CNTNAP3B: variants seen among roughly 807,000 people sequenced by gnomAD.
CNTNAP3B encodes the protein contactin-associated protein-like 3B.
A neutral mutation model predicts 108.9 loss-of-function variants in CNTNAP3B; 25 were observed. The observed-to-expected ratio is 0.23, with a 90% CI of 0.17 to 0.32. CNTNAP3B has a LOEUF of 0.32. CNTNAP3B is among the 10% of genes least tolerant of loss of function. The pLI, the probability that CNTNAP3B is intolerant of heterozygous loss-of-function variation, is 1.00. For missense variants in CNTNAP3B, 252 were observed against 1,210.4 expected (o/e 0.21, Z 11.75); for synonymous variants, 103 against 473.4 (o/e 0.22, Z 10.16).
chr9:41,997,079 AT>A (rs754007008), intron 6 of CNTNAP3B, among the ~76,000 whole-genome samples: 29 of 135,136 alleles, frequency 2.1e-4, no homozygotes, highest in East Asian at 1.9e-3. Context: ...GACTTAAAAA[AT>A]ATCAGGATAT....
intron 3 of CNTNAP3B, among the ~76,000 whole-genome samples, chr9:42,019,758 C>A (rs1826275575): frequency 1.8e-5 from 2 of 111,848 alleles, no homozygotes; most frequent in African/African-American, 3.6e-5. Flanking sequence ...GAGACTCTAT[C>A]TCAAAAAAAA....
At chr9:42,015,254 C>T (rs1826200369) in intron 3 of CNTNAP3B, among the ~76,000 whole-genome samples, 1 of 9,478 alleles carries the variant, frequency 1.1e-4, no homozygotes, top group African/African-American at 3.2e-4. Context: ...GGTTTCGAAC[C>T]CCCAGCCTCA....
Position 41,996,312 on chromosome 9 carries a change from G to A in CNTNAP3B, c.964C>T (p.Arg322Trp), listed in dbSNP as rs527439144. 228 of 1,541,770 alleles carry A rather than the reference G, an allele frequency of 1.5e-4. 40 individuals are homozygous for A. The highest frequency in any genetic ancestry group is 8.6e-4 in the South Asian group (74 of 86,538). Residue 322 changes from arginine (R) to tryptophan (W), a missense_variant, in exon 7 of 24, where the codon CGG becomes TGG. Transcript: ENST00000377561. ...TGAAAGCTTTTACGTGTGAATGCCC[G>A]TGATCTTCCGGGTGACAGAATTCCC... Reference protein sequence around the residue: ...FGGILSPGRSRAFTRKSFHGC... With the variant: ...FGGILSPGRSWAFTRKSFHGC...
In CNTNAP3B at chr9:42,105,963, T is replaced by A. The variant is rs1828086122; in HGVS notation, c.86-1224A>T. Among the ~76,000 whole-genome samples the A allele has an allele frequency of 9.4e-5, 3 of 31,778 alleles. No individual in the cohort carries two copies. The South Asian group carries it at 3.7e-3, about 39-fold the overall frequency. The allele number at this position is 31,778 out of a possible 152,430, so 20.8% of individuals were successfully genotyped here. On this transcript the variant is annotated intron_variant, in intron 1 of 23. Coordinates refer to ENST00000377561, the MANE Select transcript of CNTNAP3B (RefSeq NM_001201380.3). The stretch of plus-strand genomic sequence containing the variant: ...AGTCACAGAAAGAAGGCAACCAGAA[T>A]TAATTAGATTGCTACGACTTAGCAA...
At chr9:41,917,096 C>G (rs1181234779) in intron 18 of CNTNAP3B, among the ~76,000 whole-genome samples, 9 of 152,412 alleles carry the variant, frequency 5.9e-5, no homozygotes, top group African/African-American at 2.2e-4. Flanking sequence ...GGGATGTTTT[C>G]AACCATTATT....
In CNTNAP3B at chr9:42,120,580, A is replaced by C. The variant is rs1220449163; in HGVS notation, c.85+8430T>G. Among the ~76,000 whole-genome samples, 71 of 138,462 alleles carry C rather than the reference A, an allele frequency of 5.1e-4. 13 individuals carry two copies. Among genetic ancestry groups the C allele is most frequent in the Admixed American group, 4.4e-3 (61 of 13,920 alleles). The allele number at this position is 138,462 out of a possible 152,430, so 90.8% of individuals were successfully genotyped here. The stretch of plus-strand genomic sequence containing the variant: ...AAGACTTGGAACCAACCCAAATGTC[A>C]ATCAATGATAGACTGGATTAAGAAA... On this transcript the variant is annotated intron_variant, in intron 1 of 23. Coordinates refer to ENST00000377561, the MANE Select transcript of CNTNAP3B (RefSeq NM_001201380.3).
chr9:41,924,678 C>CACACACAT lies in CNTNAP3B; in HGVS notation c.2366-586_2366-585insATGTGTGT, dbSNP rs1823763259. Among the ~76,000 whole-genome samples, 467 of 122,868 alleles carry CACACACAT rather than the reference C, an allele frequency of 3.8e-3. 5 individuals are homozygous for CACACACAT. Among genetic ancestry groups the CACACACAT allele is most frequent in the African/African-American group, 6.6e-3 (204 of 31,106 alleles). The allele number at this position is 122,868 out of a possible 152,430, so 80.6% of individuals were successfully genotyped here. On this transcript the variant is annotated intron_variant, in intron 15 of 23. Coordinates refer to ENST00000377561, the MANE Select transcript of CNTNAP3B (RefSeq NM_001201380.3). ...ACACACACACACACACACACACACA[C>CACACACAT]ACACACACACACAGTCTTAATTCCT...
chr9:42,116,267 C>T lies in CNTNAP3B; in HGVS notation c.86-11528G>A, dbSNP rs964616384. ...TGAAGGAAAAAATATTAAGGGCAGCCAGAGAGAAAGGTCGGGTTACTCACA... is the reference window on the plus strand; with the variant it reads ...TGAAGGAAAAAATATTAAGGGCAGCTAGAGAGAAAGGTCGGGTTACTCACA... On this transcript the variant is annotated intron_variant, in intron 1 of 23. Coordinates refer to ENST00000377561, the MANE Select transcript of CNTNAP3B (RefSeq NM_001201380.3). Among the ~76,000 whole-genome samples the T allele has an allele frequency of 2.2e-5, 3 of 133,648 alleles. 1 individual carries two copies. Among genetic ancestry groups the T allele is most frequent in the African/African-American group, 9.1e-5 (3 of 32,850 alleles). 87.7% of individuals were successfully genotyped at this position (133,648 alleles called of 152,430 possible).
intron 8 of CNTNAP3B, among the ~76,000 whole-genome samples, chr9:41,990,320 A>G (rs1457762188): frequency 7.8e-6 from 1 of 128,302 alleles, no homozygotes; most frequent in East Asian, 2.5e-4. Flanking sequence ...CTTGGAAAAA[A>G]TCTTATTCGT....
At chr9:41,945,134 G>T (rs1824486751) in intron 13 of CNTNAP3B, among the ~76,000 whole-genome samples, 1 of 152,308 alleles carries the variant, frequency 6.6e-6, no homozygotes, top group Non-Finnish European at 1.5e-5. Flanking sequence ...AGGAGAGGAT[G>T]TGGAGAAATA....
rs1267137914 is a variant in CNTNAP3B at position 42,112,398 on chromosome 9, G to A, written c.86-7659C>T. Reference sequence around the variant, plus strand: ...GAGCCACACAGCAGCCATGTGCGGCGGCAGATGGGGATGAGAGGGAACAGG... The same window carrying A: ...GAGCCACACAGCAGCCATGTGCGGCAGCAGATGGGGATGAGAGGGAACAGG... On this transcript the variant is annotated intron_variant, in intron 1 of 23. Transcript: ENST00000377561. Among the ~76,000 whole-genome samples the A allele has an allele frequency of 7.9e-5, 11 of 139,166 alleles. 1 individual carries two copies. The South Asian group carries it at 9.3e-4, about 12-fold the overall frequency. The allele number at this position is 139,166 out of a possible 152,430, so 91.3% of individuals were successfully genotyped here.
At chr9:41,924,538 G>A (rs1375978463) in intron 15 of CNTNAP3B, among the ~76,000 whole-genome samples, 295 of 152,186 alleles carry the variant, frequency 1.9e-3, no homozygotes, top group African/African-American at 6.4e-3. Context: ...CTCAGTTTGG[G>A]ACATGTTTCA....
intron 15 of CNTNAP3B, among the ~76,000 whole-genome samples, chr9:41,924,658 C>CACAT (rs1564144339): frequency 2.7e-5 from 2 of 73,606 alleles, no homozygotes; most frequent in Admixed American, 1.6e-4. Flanking sequence ...CACACACACA[C>CACAT]ACACACACAC....
chr9:42,112,906 G>A (rs1253427994), intron 1 of CNTNAP3B, among the ~76,000 whole-genome samples: 5 of 104,836 alleles, frequency 4.8e-5, no homozygotes, highest in African/African-American at 2.0e-4. Context: ...GCCTCGCCCT[G>A]TCGCCCAGGC....
At chr9:41,926,880 A>T (rs1475217418) in intron 15 of CNTNAP3B, 1 of 152,428 alleles carries the variant, frequency 6.6e-6, no homozygotes, top group Non-Finnish European at 1.5e-5. Flanking sequence ...AAATTTCCAG[A>T]GAGAAAATAA....
At chr9:41,954,612 T>C (rs1370734046) in intron 12 of CNTNAP3B, among the ~76,000 whole-genome samples, 1 of 152,284 alleles carries the variant, frequency 6.6e-6, no homozygotes, top group Non-Finnish European at 1.5e-5. Flanking sequence ...GCTCTAAGTG[T>C]GCCTATGGTA....
At chr9:41,945,926 A>C (rs878995113) in intron 13 of CNTNAP3B, among the ~76,000 whole-genome samples, 4 of 152,340 alleles carry the variant, frequency 2.6e-5, no homozygotes, top group African/African-American at 7.2e-5. Context: ...AAAAAGAAAG[A>C]CAGAGTATCT....
rs544195302 is a variant in CNTNAP3B, at chr9:41,955,507, C to T, written c.1877-2121G>A. On this transcript the variant is annotated intron_variant, in intron 12 of 23. Coordinates refer to ENST00000377561, the MANE Select transcript of CNTNAP3B (RefSeq NM_001201380.3). ...TGGAACTGGAAAGGATCTTAAAGAGCATCTAATATAACCCTTATATTTTTC... is the reference window on the plus strand; with the variant it reads ...TGGAACTGGAAAGGATCTTAAAGAGTATCTAATATAACCCTTATATTTTTC... 5.2e-5 allele frequency among the ~76,000 whole-genome samples: 8 copies of T among 152,404 alleles called. No individual in the cohort carries two copies. The East Asian group carries it at 1.4e-3, about 26-fold the overall frequency.
At chr9:42,054,624 T>C (rs1250785125) in intron 3 of CNTNAP3B, among the ~76,000 whole-genome samples, 2 of 151,774 alleles carry the variant, frequency 1.3e-5, no homozygotes, top group African/African-American at 2.4e-5. Flanking sequence ...GGTCAAGGAC[T>C]GATGACCCAG....
Sources: allele counts gnomAD v4.1 joint callset (sites outside exome capture counted in the v4.1 genomes callset), GRCh38; gene constraint gnomAD v4.1.1; transcripts MANE v1.5; gene names NCBI Gene and HGNC (gene_info 2026-07-23, HGNC 2026-07-21).